The following CNTN4 variants were observed in gnomAD, a reference collection of about 807,000 sequenced individuals.
CNTN4 encodes contactin-4.
In CNTN4, 77 loss-of-function variants were observed where a neutral mutation model predicts 122.5. The ratio of observed to expected loss-of-function variants is 0.63; its 90% CI spans 0.52 to 0.76. The LOEUF (loss-of-function observed/expected upper bound fraction) is 0.76. Among genes scored for constraint, CNTN4 ranks in the 30% least tolerant of loss-of-function variants. The probability of loss-of-function intolerance (pLI) is 0.00; values close to 1 mark genes in which losing one functional copy is unlikely to be tolerated. For missense variants in CNTN4, 1,256 were observed against 1,259.1 expected (o/e 1.00, Z 0.04); for synonymous variants, 512 against 447.0 (o/e 1.15, Z -1.83).
At chr3:2,169,535 T>C (rs1244088249) in intron 2 of CNTN4, among the ~76,000 whole-genome samples, 2 of 145,870 alleles carry the variant, frequency 1.4e-5, no homozygotes, top group East Asian at 2.1e-4. Context: ...GCCTCCCGAG[T>C]AGCTGGGACT....
intron 2 of CNTN4, among the ~76,000 whole-genome samples, chr3:2,212,255 A>G (rs537229127): frequency 1.3e-5 from 2 of 152,228 alleles, no homozygotes; most frequent in Admixed American, 6.5e-5. Flanking sequence ...GATTACAGGC[A>G]TGAGACACCA....
At chr3:2,885,153 C>G (rs1306287770) in intron 9 of CNTN4, among the ~76,000 whole-genome samples, 1 of 152,166 alleles carries the variant, frequency 6.6e-6, no homozygotes. Flanking sequence ...AGTCTTTAGT[C>G]TAATTACTTC....
At chr3:2,482,431 GAA>G (rs376965633) in intron 3 of CNTN4, among the ~76,000 whole-genome samples, 1 of 144,330 alleles carries the variant, frequency 6.9e-6, no homozygotes, top group Non-Finnish European at 1.5e-5. Flanking sequence ...TGATGTGATA[GAA>G]AAAAAAAAAC....
intron 8 of CNTN4, among the ~76,000 whole-genome samples, chr3:2,881,095 T>C (rs1559613758): frequency 6.6e-6 from 1 of 152,234 alleles, no homozygotes; most frequent in Non-Finnish European, 1.5e-5. Context: ...TTTGCACTAT[T>C]GACAACATAC....
chr3:3,052,809 G>C (rs1031395260), intron 23 of CNTN4, among the ~76,000 whole-genome samples: 1 of 152,202 alleles, frequency 6.6e-6, no homozygotes, highest in African/African-American at 2.4e-5. Context: ...ATAAAGTGGG[G>C]TTCCAGAGGA....
At chr3:2,170,867 T>C (rs2036472132) in intron 2 of CNTN4, among the ~76,000 whole-genome samples, 1 of 152,246 alleles carries the variant, frequency 6.6e-6, no homozygotes, top group African/African-American at 2.4e-5. Flanking sequence ...ATAAAATGAA[T>C]TGTAATATGG....
chr3:2,993,123 G>GA (rs1189671404), intron 14 of CNTN4, among the ~76,000 whole-genome samples: 5 of 151,932 alleles, frequency 3.3e-5, no homozygotes, highest in Non-Finnish European at 7.4e-5. Flanking sequence ...AGCTGGTTGA[G>GA]AAAAAAACCA....
At chr3:2,988,272 A>C in intron 13 of CNTN4, 73 bp from the exon 14 acceptor site, 1 of 1,390,478 alleles carries the variant, frequency 7.2e-7, no homozygotes, top group East Asian at 2.3e-5. Flanking sequence ...CAATGACAGA[A>C]TGACAGAACT....
intron 6 of CNTN4, among the ~76,000 whole-genome samples, chr3:2,795,678 G>A (rs1030133634): frequency 1.9e-4 from 29 of 151,882 alleles, no homozygotes; most frequent in African/African-American, 4.8e-4. Context: ...CCAAGACCAC[G>A]CTCAGCTAAT....
At chr3:2,728,743 T>C (rs746541724) in intron 4 of CNTN4, among the ~76,000 whole-genome samples, 1 of 152,222 alleles carries the variant, frequency 6.6e-6, no homozygotes, top group Non-Finnish European at 1.5e-5. Flanking sequence ...TCTAAACCCA[T>C]GCAGTCTTCC....
intron 2 of CNTN4, among the ~76,000 whole-genome samples, chr3:2,212,568 C>A (rs1430704727): frequency 2.0e-5 from 3 of 152,148 alleles, no homozygotes; most frequent in Non-Finnish European, 1.5e-5. Context: ...ATGAAGGAAA[C>A]CAACCCCATG....
At chr3:2,415,158 A>G (rs2047367661) in intron 3 of CNTN4, among the ~76,000 whole-genome samples, 1 of 152,218 alleles carries the variant, frequency 6.6e-6, no homozygotes, top group African/African-American at 2.4e-5. Context: ...GTCATACTGC[A>G]GTGTTAAATG....
chr3:2,782,420 T>G (rs1013071503), intron 6 of CNTN4, among the ~76,000 whole-genome samples: 2 of 151,364 alleles, frequency 1.3e-5, no homozygotes, highest in Admixed American at 1.3e-4. Flanking sequence ...CGATGAAGAC[T>G]TGAAAATGTA....
At chr3:2,227,256 A>G (rs952763776) in intron 2 of CNTN4, among the ~76,000 whole-genome samples, 2 of 152,188 alleles carry the variant, frequency 1.3e-5, no homozygotes, top group Non-Finnish European at 2.9e-5. Flanking sequence ...TTGTAAATAC[A>G]TTCAAGAAGA....
intron 5 of CNTN4, among the ~76,000 whole-genome samples, chr3:2,737,636 AAAG>A (rs1454416069): frequency 6.6e-6 from 1 of 152,238 alleles, no homozygotes; most frequent in East Asian, 1.9e-4. Context: ...TTTGGAACCG[AAAG>A]AAGTAAGCTG....
chr3:2,274,638 A>G (rs1209433483), intron 2 of CNTN4, among the ~76,000 whole-genome samples: 1 of 152,158 alleles, frequency 6.6e-6, no homozygotes, highest in Non-Finnish European at 1.5e-5. Context: ...TCAGCAAGTT[A>G]AAATGTCAAG....
chr3:2,248,645 T>A (rs2040246159), intron 2 of CNTN4, among the ~76,000 whole-genome samples: 1 of 152,044 alleles, frequency 6.6e-6, no homozygotes, highest in African/African-American at 2.4e-5. Flanking sequence ...CCTTAACAAA[T>A]ATGTTTTTTG....
chr3:2,981,304 C>T (rs1409061319), intron 13 of CNTN4, among the ~76,000 whole-genome samples: 1 of 151,636 alleles, frequency 6.6e-6, no homozygotes, highest in Non-Finnish European at 1.5e-5. Context: ...ATTAGCCGGG[C>T]GTGGTGGCGG....
intron 2 of CNTN4, among the ~76,000 whole-genome samples, chr3:2,310,765 C>G (rs752213831): frequency 1.3e-5 from 2 of 152,110 alleles, no homozygotes; most frequent in South Asian, 2.1e-4. Flanking sequence ...CCTCCACTAC[C>G]TAAAACTCAC....
Sources: allele counts gnomAD v4.1 joint callset (sites outside exome capture counted in the v4.1 genomes callset), GRCh38; gene constraint gnomAD v4.1.1; transcripts MANE v1.5; gene names NCBI Gene and HGNC (gene_info 2026-07-23, HGNC 2026-07-21).